The following DLGAP1 variants were observed in gnomAD, a reference collection of about 807,000 sequenced individuals.
The protein encoded by DLGAP1 is disks large-associated protein 1.
Under a neutral mutation model 90.8 loss-of-function variants are expected in DLGAP1, and 11 were observed. The ratio of observed to expected loss-of-function variants is 0.12; its 90% CI spans 0.08 to 0.20. The LOEUF is 0.20. DLGAP1 is among the 10% of genes least tolerant of loss of function. The pLI is 1.00. For synonymous variants in DLGAP1, 558 were observed against 540.7 expected (o/e 1.03, Z -0.44); for missense variants, 1,050 against 1,333.8 (o/e 0.79, Z 3.31).
At position 3,618,038 on chromosome 18, in the gene DLGAP1, AAAAGAAAG is replaced by A. The variant is rs571584047; in HGVS notation, c.1592-35798_1592-35791del. ...GGTGACAAAAGTGAAACTCCATCTC[AAAAGAAAG>A]AAAGAAAGAAAGAAAAGCACAATTA... On this transcript the variant is annotated intron_variant, in intron 7 of 12. Transcript: ENST00000315677. 4.4e-3 allele frequency among the ~76,000 whole-genome samples: 668 copies of A among 152,244 alleles called. 8 individuals carry two copies. Among genetic ancestry groups the A allele is most frequent in the African/African-American group, 0.015 (628 of 41,546 alleles).
At chr18:4,033,770 C>T (rs1298331089) in intron 2 of DLGAP1, among the ~76,000 whole-genome samples, 2 of 147,080 alleles carry the variant, frequency 1.4e-5, no homozygotes, top group Non-Finnish European at 1.5e-5. Flanking sequence ...GACAGAGTCT[C>T]GCTCTGTCAC....
chr18:4,154,832 G>A (rs900161800), intron 1 of DLGAP1, among the ~76,000 whole-genome samples: 3 of 152,270 alleles, frequency 2.0e-5, no homozygotes, highest in South Asian at 2.1e-4. Context: ...TCGCCCCACC[G>A]TTCTGCAAAG....
intron 1 of DLGAP1, among the ~76,000 whole-genome samples, chr18:4,381,888 G>A (rs776531187): frequency 1.7e-4 from 26 of 152,126 alleles, no homozygotes; most frequent in Non-Finnish European, 3.4e-4. Flanking sequence ...CACGTGGCTG[G>A]GGAGGCCTCA....
At chr18:3,594,759 C>T (rs904193767) in intron 7 of DLGAP1, among the ~76,000 whole-genome samples, 1 of 152,132 alleles carries the variant, frequency 6.6e-6, no homozygotes, top group African/African-American at 2.4e-5. Context: ...TTCTTCACAT[C>T]CTAGTCACAG....
chr18:4,286,246 AAATC>A (rs1598815173), intron 1 of DLGAP1, among the ~76,000 whole-genome samples: 1 of 152,130 alleles, frequency 6.6e-6, no homozygotes, highest in East Asian at 1.9e-4. Flanking sequence ...GCAGGTAATA[AAATC>A]AATCAAACAA....
At chr18:3,863,785 G>A (rs2070227738) in intron 4 of DLGAP1, among the ~76,000 whole-genome samples, 1 of 152,232 alleles carries the variant, frequency 6.6e-6, no homozygotes, top group South Asian at 2.1e-4. Context: ...GGGCTCGGGA[G>A]CCTGCAACCT....
chr18:4,122,983 G>A (rs567411944), intron 2 of DLGAP1, among the ~76,000 whole-genome samples: 101 of 152,234 alleles, frequency 6.6e-4, no homozygotes, highest in African/African-American at 2.4e-3. Context: ...TTGCCCCAAG[G>A]GTAAGAACTG....
chr18:3,870,747 G>T (rs2070702626), intron 4 of DLGAP1, among the ~76,000 whole-genome samples: 1 of 152,124 alleles, frequency 6.6e-6, no homozygotes, highest in African/African-American at 2.4e-5. Context: ...AGGAGTGGAA[G>T]ATGCTGGAAG....
chr18:3,619,889 G>A (rs922448256), intron 7 of DLGAP1, among the ~76,000 whole-genome samples: 2 of 151,320 alleles, frequency 1.3e-5, no homozygotes, highest in East Asian at 3.9e-4. Flanking sequence ...CCATCATTGC[G>A]CACTACAGCC....
intron 7 of DLGAP1, among the ~76,000 whole-genome samples, chr18:3,724,886 C>T (rs1450592347): frequency 6.8e-6 from 1 of 147,022 alleles, no homozygotes; most frequent in East Asian, 2.0e-4. Flanking sequence ...GCCTAGGTGA[C>T]ACAGGGAAAC....
rs143991559 is a variant in DLGAP1 at position 4,017,296 on chromosome 18, T to C, written c.-158-12095A>G. ...CAGGGCTTGTGTCTGTTTTGTTCAC[T>C]CGTGTACACCAAGGGTGTAAAATCC... is the stretch of plus-strand genomic sequence containing the variant. On this transcript the variant is annotated intron_variant, in intron 2 of 12. Coordinates refer to ENST00000315677, the MANE Select transcript of DLGAP1 (RefSeq NM_004746.4). Among the ~76,000 whole-genome samples, 18 of 152,326 alleles carry C rather than the reference T, an allele frequency of 1.2e-4. No individual in the cohort carries two copies. In the East Asian group the frequency reaches 3.3e-3, roughly 28 times the overall value.
intron 2 of DLGAP1, among the ~76,000 whole-genome samples, chr18:4,031,941 T>C (rs1239844902): frequency 6.6e-6 from 1 of 152,236 alleles, no homozygotes; most frequent in East Asian, 1.9e-4. Flanking sequence ...TCATATGACA[T>C]ATGGTCATAT....
At position 3,750,699 on chromosome 18, in the gene DLGAP1, T is replaced by C. The variant is rs142186633; in HGVS notation, c.1173-8187A>G. ...CGGAGGCTCCTTGGGTGAATCCTCT[T>C]AACCACAGGAGAAACTCTAAACTCT... On this transcript the variant is annotated intron_variant, in intron 5 of 12. Coordinates refer to ENST00000315677, the MANE Select transcript of DLGAP1 (RefSeq NM_004746.4). Among the ~76,000 whole-genome samples, 1,024 of 152,344 alleles carry C rather than the reference T, an allele frequency of 6.7e-3. 14 individuals are homozygous for C. The highest frequency in any genetic ancestry group is 0.023 in the African/African-American group (974 of 41,578).
intron 1 of DLGAP1, among the ~76,000 whole-genome samples, chr18:4,303,907 C>T (rs892734536): frequency 6.6e-6 from 1 of 152,196 alleles, no homozygotes; most frequent in East Asian, 1.9e-4. Context: ...GTTGTTAGAA[C>T]TGGTTTTGAA....
Position 3,550,734 on chromosome 18 carries a change from C to CTTTT in DLGAP1, c.2058-16123_2058-16120dup, listed in dbSNP as rs1165404588. 8.4e-4 allele frequency among the ~76,000 whole-genome samples: 72 copies of CTTTT among 85,242 alleles called. 2 individuals carry two copies. The highest frequency in any genetic ancestry group is 0.011 in the Middle Eastern group (1 of 88). 55.9% of individuals were successfully genotyped at this position (85,242 alleles called of 152,430 possible). A position where few individuals can be genotyped will look rare whatever the true frequency, so the allele number is the denominator to read the frequency against. Reference sequence around the variant, plus strand: ...TGACATCTTGATCCAGAACCAGACCCTTTTTTTTTTTTTTTTTTTTTTTGT... The same window carrying CTTTT: ...TGACATCTTGATCCAGAACCAGACCCTTTTTTTTTTTTTTTTTTTTTTTTTTTGT... On this transcript the variant is annotated intron_variant, in intron 9 of 12. Coordinates refer to ENST00000315677, the MANE Select transcript of DLGAP1 (RefSeq NM_004746.4).
At chr18:3,945,611 C>A (rs2148955665) in intron 3 of DLGAP1, among the ~76,000 whole-genome samples, 1 of 152,118 alleles carries the variant, frequency 6.6e-6, no homozygotes, top group African/African-American at 2.4e-5. Flanking sequence ...TTATGTAAAA[C>A]AAAGATAACA....
intron 2 of DLGAP1, among the ~76,000 whole-genome samples, chr18:4,143,639 A>G (rs2076532710): frequency 1.3e-5 from 2 of 151,928 alleles, no homozygotes; most frequent in East Asian, 3.9e-4. Flanking sequence ...ATGGTGCAAG[A>G]CAAAGTCCAC....
chr18:3,633,679 A>C (rs1161726235), intron 7 of DLGAP1, among the ~76,000 whole-genome samples: 1 of 152,182 alleles, frequency 6.6e-6, no homozygotes, highest in Non-Finnish European at 1.5e-5. Context: ...GTTCCTTTAT[A>C]TTTTGTGATT....
At chr18:3,761,631 A>C (rs2063970159) in intron 5 of DLGAP1, among the ~76,000 whole-genome samples, 1 of 149,546 alleles carries the variant, frequency 6.7e-6, no homozygotes, top group Non-Finnish European at 1.5e-5. Flanking sequence ...GCTGGAGTGC[A>C]GTGGCGTGAT....
Sources: allele counts gnomAD v4.1 joint callset (sites outside exome capture counted in the v4.1 genomes callset), GRCh38; gene constraint gnomAD v4.1.1; transcripts MANE v1.5; gene names NCBI Gene and HGNC (gene_info 2026-07-23, HGNC 2026-07-21).